COL4A4: variants seen among roughly 807,000 people sequenced by gnomAD.
The protein encoded by COL4A4 is collagen type IV alpha 4 chain, also known as collagen alpha-4(IV) chain.
Under a neutral mutation model 192.9 loss-of-function variants are expected in COL4A4, and 105 were observed. The ratio of observed to expected loss-of-function variants is 0.54; its 90% CI spans 0.46 to 0.64. COL4A4 has a LOEUF of 0.64. COL4A4 is among the 30% of genes least tolerant of loss of function. COL4A4 has a pLI of 0.00. For synonymous variants in COL4A4, 762 were observed against 769.9 expected (o/e 0.99, Z 0.17); for missense variants, 1,967 against 2,169.3 (o/e 0.91, Z 1.85).
At chr2:227,140,388 A>C (rs2063121939) in intron 3 of COL4A4, 150 bp from the exon 4 acceptor site, 2 of 695,992 alleles carry the variant, frequency 2.9e-6, no homozygotes, top group Non-Finnish European at 5.1e-6. Context: ...AAGAACTTAC[A>C]CAGTAGCTTA....
intron 18 of COL4A4, 51 bp from the exon 19 acceptor site, chr2:227,098,849 A>G (rs2060348740): frequency 7.0e-7 from 1 of 1,420,360 alleles, no homozygotes; most frequent in Non-Finnish European, 9.9e-7. Context: ...GTGCATTTTA[A>G]AATTAAGACA....
rs540397675 is a variant in COL4A4, at chr2:227,065,368, G to A, written c.1988-2770C>T. 9.1e-4 allele frequency among the ~76,000 whole-genome samples: 138 copies of A among 152,378 alleles called. No homozygotes were observed. The East Asian group carries it at 9.6e-3, about 11-fold the overall frequency. On this transcript the variant is annotated intron_variant, in intron 25 of 47. Coordinates refer to ENST00000396625, the MANE Select transcript of COL4A4 (RefSeq NM_000092.5). ...GCAGCCCAGAAGCTCAAACTGGGTGGAGCCCACCACAGCTCAAGGAGGCCT... is the reference window on the plus strand; with the variant it reads ...GCAGCCCAGAAGCTCAAACTGGGTGAAGCCCACCACAGCTCAAGGAGGCCT...
intron 25 of COL4A4, among the ~76,000 whole-genome samples, chr2:227,066,511 G>T (rs1404312868): frequency 6.6e-6 from 1 of 152,196 alleles, no homozygotes; most frequent in African/African-American, 2.4e-5. Context: ...GACTAACAGT[G>T]GATCTTTCGG....
At chr2:227,012,330 G>A (rs367586809) in intron 44 of COL4A4, 33 bp from the exon 45 acceptor site, 1 of 1,538,160 alleles carries the variant, frequency 6.5e-7, no homozygotes, top group South Asian at 1.1e-5. Context: ...GGTGGTGAAA[G>A]CAACCATGAC....
chr2:227,121,760 G>A (rs567223488), intron 4 of COL4A4, among the ~76,000 whole-genome samples: 6 of 152,256 alleles, frequency 3.9e-5, no homozygotes, highest in Admixed American at 2.0e-4. Context: ...TGTGCAGTAT[G>A]TATGTATGTG....
chr2:227,118,940 T>C (rs1033428549), intron 6 of COL4A4, among the ~76,000 whole-genome samples, 179 bp from the exon 7 acceptor site: 1 of 152,220 alleles, frequency 6.6e-6, no homozygotes, highest in African/African-American at 2.4e-5. Context: ...CCTAAATTTT[T>C]TTTAAGATAA....
chr2:227,070,893 A>AT (rs2058683581), intron 25 of COL4A4, among the ~76,000 whole-genome samples: 2 of 151,808 alleles, frequency 1.3e-5, no homozygotes, highest in Admixed American at 6.6e-5. Context: ...AAATAAATAA[A>AT]TAAATAAATG....
chr2:227,094,363 G>C, intron 19 of COL4A4, 74 bp from the exon 20 acceptor site: 1 of 1,467,404 alleles, frequency 6.8e-7, no homozygotes, highest in Non-Finnish European at 9.4e-7. Flanking sequence ...ATCAAGATTG[G>C]TACACACTTG....
At chr2:227,008,368 C>G in intron 46 of COL4A4, 64 bp from the exon 47 acceptor site, 1 of 1,560,008 alleles carries the variant, frequency 6.4e-7, no homozygotes, top group Non-Finnish European at 8.8e-7. Flanking sequence ...CCAGACCCTT[C>G]CTTCCTCCAT....
chr2:227,028,789 G>A (rs1173921587), intron 41 of COL4A4, among the ~76,000 whole-genome samples: 4 of 151,712 alleles, frequency 2.6e-5, no homozygotes, highest in African/African-American at 9.7e-5. Flanking sequence ...CCGAGTAGCT[G>A]GGACTACAGG....
intron 25 of COL4A4, among the ~76,000 whole-genome samples, chr2:227,065,580 C>T (rs928009847): frequency 1.3e-5 from 2 of 152,172 alleles, no homozygotes; most frequent in African/African-American, 2.4e-5. Context: ...CCCTGACCCC[C>T]GAGCAGCCTA....
chr2:227,120,672 C>A, intron 5 of COL4A4: 1 of 292,228 alleles, frequency 3.4e-6, no homozygotes, highest in Non-Finnish European at 6.7e-6. Context: ...GCACAGTGGC[C>A]AACGCCTGTA....
chr2:227,148,473 G>A (rs2063699540), intron 1 of COL4A4, among the ~76,000 whole-genome samples: 1 of 152,172 alleles, frequency 6.6e-6, no homozygotes, highest in Non-Finnish European at 1.5e-5. Flanking sequence ...TTGATTAATA[G>A]TTGTCAGGGT....
chr2:227,130,455 C>T (rs1003747826), intron 4 of COL4A4, among the ~76,000 whole-genome samples: 2 of 152,178 alleles, frequency 1.3e-5, no homozygotes, highest in Non-Finnish European at 2.9e-5. Context: ...CTCTAACCCA[C>T]TCAACTCTCC....
chr2:227,104,734 G>A (rs1429555599), intron 12 of COL4A4, among the ~76,000 whole-genome samples: 2 of 141,132 alleles, frequency 1.4e-5, no homozygotes, highest in Non-Finnish European at 3.0e-5. Flanking sequence ...TCCGCCTCCC[G>A]GGTTCAAGCC....
intron 7 of COL4A4, among the ~76,000 whole-genome samples, chr2:227,116,352 T>C (rs1378865628): frequency 6.6e-6 from 1 of 152,206 alleles, no homozygotes; most frequent in African/African-American, 2.4e-5. Context: ...CATTTCTATG[T>C]TGATCCAAAG....
chr2:227,023,732 C>T (rs563160104), intron 43 of COL4A4, among the ~76,000 whole-genome samples: 4 of 152,174 alleles, frequency 2.6e-5, no homozygotes, highest in East Asian at 3.9e-4. Context: ...ACTCAGGCTT[C>T]GCCAGGCGCG....
intron 41 of COL4A4, among the ~76,000 whole-genome samples, chr2:227,028,452 A>G (rs946147968): frequency 1.3e-5 from 2 of 152,090 alleles, no homozygotes; most frequent in Admixed American, 1.3e-4. Context: ...TTCCACATCC[A>G]TGATGTCTTC....
chr2:227,130,397 T>C (rs1209204828), intron 4 of COL4A4, among the ~76,000 whole-genome samples: 5 of 152,226 alleles, frequency 3.3e-5, no homozygotes, highest in African/African-American at 1.2e-4. Context: ...CTGCGTCTTC[T>C]GCGGGGCCTA....
Sources: allele counts gnomAD v4.1 joint callset (sites outside exome capture counted in the v4.1 genomes callset), GRCh38; gene constraint gnomAD v4.1.1; transcripts MANE v1.5; gene names NCBI Gene and HGNC (gene_info 2026-07-23, HGNC 2026-07-21).